Variants in SMARCC2 observed in about 807,000 individuals in gnomAD.
The protein encoded by SMARCC2 is SWI/SNF complex subunit SMARCC2.
Under a neutral mutation model 151.3 loss-of-function variants are expected in SMARCC2, and 15 were observed. The observed-to-expected ratio is 0.10, with a 90% CI of 0.07 to 0.15. The LOEUF is 0.15. Ranked by LOEUF, SMARCC2 falls within the 10% of genes least tolerant of loss-of-function variation. SMARCC2 has a pLI of 1.00. For missense variants in SMARCC2, 1,031 were observed against 1,599.7 expected, an observed-to-expected ratio of 0.64 and a Z score of 6.06; for synonymous variants, 590 against 609.5, an observed-to-expected ratio of 0.97 and a Z score of 0.47.
chr12:56,182,043 T>C lies in SMARCC2; in HGVS notation c.669A>G (p.Ala223=). The C allele has an allele frequency of 1.2e-6, 2 of 1,613,214 alleles. No individual in the cohort carries two copies. The highest frequency in any genetic ancestry group is 1.7e-6 in the Non-Finnish European group (2 of 1,179,598). The change falls in exon 8 of 29, where the codon GCA becomes GCG. Residue 223 remains alanine (A), a synonymous_variant. Coordinates refer to ENST00000550164, the MANE Select transcript of SMARCC2 (RefSeq NM_001330288.2). ...DTWIPASEIE[A]SVEDAPTPEK... ...CAGGAGTTGGAGCATCTTCCACAGATGCCTCAATTTCACTCGCTGGGATCC... is the reference window on the plus strand; with the variant it reads ...CAGGAGTTGGAGCATCTTCCACAGACGCCTCAATTTCACTCGCTGGGATCC...
intron 14 of SMARCC2, 51 bp downstream of exon 14, chr12:56,178,353 C>T (rs1267406498): frequency 6.2e-7 from 1 of 1,605,748 alleles, no homozygotes; most frequent in East Asian, 2.2e-5. Flanking sequence ...GCCTGTTGAC[C>T]CCTGGAGGCA....
intron 18 of SMARCC2, 69 bp downstream of exon 18, chr12:56,172,868 T>G: frequency 3.8e-6 from 6 of 1,585,286 alleles, no homozygotes; most frequent in Non-Finnish European, 4.3e-6. Context: ...TCATGTCTCT[T>G]CTTCCCGGGC....
chr12:56,186,269 G>A (rs757197325), intron 2 of SMARCC2, 29 bp from the exon 3 acceptor site: 1 of 1,388,700 alleles, frequency 7.2e-7, no homozygotes, highest in Admixed American at 1.7e-5. Context: ...GAAAAAGCAT[G>A]TCAAGGTTCC....
Position 56,185,997 on chromosome 12 carries a change from C to T in SMARCC2, c.317+158G>A. The T allele has an allele frequency of 6.3e-6, 4 of 633,128 alleles. No individual in the cohort carries two copies. The East Asian group carries it at 1.1e-4, about 17-fold the overall frequency. 39.2% of individuals were successfully genotyped at this position (633,128 alleles called of 1,614,324 possible). A position where few individuals can be genotyped will look rare whatever the true frequency, so the allele number is the denominator to read the frequency against. ...CTCACTCTTGGAGACTGTTTTGGCT[C>T]TGACTCCCAACCATCTTCCTGACGT... On this transcript the variant is annotated intron_variant, in intron 3 of 28. Transcript: ENST00000550164.
At chr12:56,175,766 G>T (rs917229547) in intron 15 of SMARCC2, among the ~76,000 whole-genome samples, 1 of 152,126 alleles carries the variant, frequency 6.6e-6, no homozygotes, top group Non-Finnish European at 1.5e-5. Context: ...TAAGGTTGAC[G>T]TAAAGATTAA....
At chr12:56,178,934 G>A (rs1875573063) in intron 12 of SMARCC2, 63 bp downstream of exon 12, 1 of 1,600,990 alleles carries the variant, frequency 6.2e-7, no homozygotes, top group Non-Finnish European at 8.6e-7. Flanking sequence ...AGCGAAAAGG[G>A]GGCAGCTGAG....
At chr12:56,170,464 C>T (rs750063428) in intron 22 of SMARCC2, among the ~76,000 whole-genome samples, 3 of 151,894 alleles carry the variant, frequency 2.0e-5, no homozygotes, top group African/African-American at 7.3e-5. Flanking sequence ...TCACTCTTGT[C>T]GCCCAGGCTG....
chr12:56,182,235 C>T (rs890614867), intron 7 of SMARCC2, among the ~76,000 whole-genome samples, 156 bp from the exon 8 acceptor site: 3 of 151,882 alleles, frequency 2.0e-5, no homozygotes, highest in Non-Finnish European at 4.4e-5. Flanking sequence ...AAGCACATTA[C>T]GAAACATTTC....
At chr12:56,178,200 G>T in intron 14 of SMARCC2, 107 bp from the exon 15 acceptor site, 1 of 1,024,084 alleles carries the variant, frequency 9.8e-7, no homozygotes, top group Non-Finnish European at 1.5e-6. Context: ...GCTCGAAATT[G>T]CTGAAGTTAG....
Position 56,171,473 on chromosome 12 carries a change from G to C in SMARCC2, c.2186-41C>G, listed in dbSNP as rs371706714. On this transcript the variant is annotated intron_variant, in intron 21 of 28. Coordinates refer to ENST00000550164, the MANE Select transcript of SMARCC2 (RefSeq NM_001330288.2). This position sits in a 1 kb window ranked among gnomAD's most constrained non-coding sequence, Gnocchi z 4.2. ...AGAATGAGGCTGGGAGCGGCACAGT[G>C]GAACAGTTCTGGCAATCCCTGCAAA... 1.2e-6 allele frequency: 2 copies of C among 1,612,394 alleles called. No homozygotes were observed. The highest frequency in any genetic ancestry group is 2.7e-5 in the African/African-American group (2 of 74,876).
At chr12:56,167,375 A>G (rs1447917538) in intron 26 of SMARCC2, among the ~76,000 whole-genome samples, 1 of 151,998 alleles carries the variant, frequency 6.6e-6, no homozygotes, top group Non-Finnish European at 1.5e-5. Context: ...AAATAAATAA[A>G]ATAAATTGTT....
intron 15 of SMARCC2, among the ~76,000 whole-genome samples, chr12:56,176,606 T>C (rs974472215): frequency 1.3e-5 from 2 of 151,332 alleles, no homozygotes; most frequent in Non-Finnish European, 2.9e-5. Context: ...GCCTCCCAAG[T>C]AGCTGGAACT....
chr12:56,167,964 A>G, intron 26 of SMARCC2, 96 bp downstream of exon 26: 1 of 1,022,288 alleles, frequency 9.8e-7, no homozygotes, highest in Non-Finnish European at 1.5e-6. Context: ...ACACACACAC[A>G]CACACACACA....
Position 56,169,606 on chromosome 12 carries a change from C to G in SMARCC2, c.2638G>C (p.Val880Leu). 6.2e-7 allele frequency: 1 copy of G among 1,614,014 alleles called. No individual in the cohort carries two copies. Among genetic ancestry groups the G allele is most frequent in the Non-Finnish European group, 8.5e-7 (1 of 1,179,964 alleles). Residue 880 changes from valine (V) to leucine (L), a missense_variant, in exon 25 of 29, where the codon GTG becomes CTG. Physicochemically the swap from Val to Leu is conservative, Grantham distance 32. Coordinates refer to ENST00000550164, the MANE Select transcript of SMARCC2 (RefSeq NM_001330288.2). Reference protein sequence around the residue: ...VESEGERKTKVERDIGEGNLS... With the variant: ...VESEGERKTKLERDIGEGNLS... The stretch of plus-strand genomic sequence containing the variant: ...TTGCCCTCGCCAATGTCCCGCTCCA[C>G]CTTTGTCTTCCTTTCCCCCTCAGAC...
chr12:56,177,052 C>G (rs891143076), intron 15 of SMARCC2, among the ~76,000 whole-genome samples: 3 of 151,956 alleles, frequency 2.0e-5, no homozygotes, highest in African/African-American at 7.3e-5. Flanking sequence ...AACTCCTGAC[C>G]TCGGGTGATC....
intron 28 of SMARCC2, 84 bp from the exon 29 acceptor site, chr12:56,163,849 G>A (rs184006398): frequency 2.3e-6 from 2 of 884,182 alleles, no homozygotes; most frequent in Non-Finnish European, 3.3e-6. Flanking sequence ...GACAGAACCG[G>A]GCATGGCATG....
At chr12:56,168,928 C>G (rs188619201) in intron 25 of SMARCC2, among the ~76,000 whole-genome samples, 14 of 151,854 alleles carry the variant, frequency 9.2e-5, no homozygotes, top group Admixed American at 8.5e-4. Flanking sequence ...TGCAGTGAGC[C>G]GAGATTGTGC....
chr12:56,168,200 G>A lies in SMARCC2; in HGVS notation c.2716-6C>T. On this transcript the variant is annotated splice_polypyrimidine_tract_variant and splice_region_variant and intron_variant, in intron 25 of 28. Coordinates refer to ENST00000550164, the MANE Select transcript of SMARCC2 (RefSeq NM_001330288.2). ...TCCTCAACAGCAGCCAAGTGCTAGG[G>A]AAGGAGGGGCGAGACAGCACATCAG... 1.9e-6 allele frequency: 3 copies of A among 1,614,058 alleles called. No homozygotes were observed. Among genetic ancestry groups the A allele is most frequent in the South Asian group, 1.1e-5 (1 of 91,076 alleles).
At chr12:56,181,940 C>T (rs1876295526) in intron 8 of SMARCC2, 64 bp downstream of exon 8, 5 of 1,587,756 alleles carry the variant, frequency 3.1e-6, no homozygotes, top group East Asian at 2.2e-5. Context: ...CTCTGTTTCA[C>T]TTCCAAAGGG....
Sources: gnomAD v4.1 joint callset for allele counts (sites outside exome capture counted in the v4.1 genomes callset) on GRCh38, gnomAD v4.1.1 for gene constraint, Gnocchi (gnomAD v3.1) non-coding constraint, MANE v1.5 for transcripts, NCBI Gene and HGNC (gene_info 2026-07-23, HGNC 2026-07-21) for gene names.